The following AKT3 variants were observed in gnomAD, a reference collection of about 807,000 sequenced individuals.
AKT3 encodes RAC-gamma serine/threonine-protein kinase.
In AKT3, 15 loss-of-function variants were observed where a neutral mutation model predicts 65.3. That is an observed-to-expected ratio of 0.23 (90% CI 0.15 to 0.35). The LOEUF is 0.35. Ranked by LOEUF, AKT3 falls within the 10% of genes least tolerant of loss-of-function variation. The probability of loss-of-function intolerance (pLI) is 1.00; values close to 1 mark genes in which losing one functional copy is unlikely to be tolerated. For missense variants in AKT3, 243 were observed against 576.5 expected, an observed-to-expected ratio of 0.42 and a Z score of 5.92; for synonymous variants, 206 against 183.8, an observed-to-expected ratio of 1.12 and a Z score of -0.98.
At chr1:243,629,655 G>A (rs554677272) in intron 6 of AKT3, among the ~76,000 whole-genome samples, 2 of 152,240 alleles carry the variant, frequency 1.3e-5, no homozygotes, top group African/African-American at 4.8e-5. Flanking sequence ...AGCCAGGCGT[G>A]GTGGTGGGCA....
intron 2 of AKT3, among the ~76,000 whole-genome samples, chr1:243,788,438 G>C (rs1691407580): frequency 6.6e-6 from 1 of 152,104 alleles, no homozygotes; most frequent in East Asian, 1.9e-4. Context: ...GTATTCGTGG[G>C]GGGGACTGAT....
chr1:243,827,692 C>T (rs994194520), intron 2 of AKT3, among the ~76,000 whole-genome samples: 2 of 152,064 alleles, frequency 1.3e-5, no homozygotes, highest in African/African-American at 2.4e-5. Flanking sequence ...AATGTATGTA[C>T]GTACTTGTCG....
At chr1:243,823,547 A>C (rs950058617) in intron 2 of AKT3, among the ~76,000 whole-genome samples, 1 of 152,214 alleles carries the variant, frequency 6.6e-6, no homozygotes, top group African/African-American at 2.4e-5. Context: ...AAAGCTTCTT[A>C]AGCTAATAAG....
chr1:243,711,749 G>A (rs994092936), intron 2 of AKT3, among the ~76,000 whole-genome samples: 2 of 152,110 alleles, frequency 1.3e-5, no homozygotes, highest in African/African-American at 4.8e-5. Flanking sequence ...TCTTTCAAAA[G>A]ATGAAGAAAT....
intron 2 of AKT3, among the ~76,000 whole-genome samples, chr1:243,778,881 T>G (rs1439705521): frequency 6.6e-6 from 1 of 151,964 alleles, no homozygotes; most frequent in African/African-American, 2.4e-5. Context: ...AAATTGAGGT[T>G]TTTCCATGAT....
upstream of AKT3, among the ~76,000 whole-genome samples, chr1:243,850,323 A>T: frequency 1.7e-5 from 1 of 59,896 alleles, no homozygotes; most frequent in African/African-American, 5.0e-5. Context: ...CGGCGGCGGG[A>T]GGGGGAGGGA....
At chr1:243,545,361 G>A in intron 12 of AKT3, 149 bp downstream of exon 12, 1 of 460,044 alleles carries the variant, frequency 2.2e-6, no homozygotes, top group East Asian at 3.3e-5. Flanking sequence ...AAAATTTTGT[G>A]CACAGAAGTT....
At chr1:243,621,291 G>A (rs1678728959) in intron 6 of AKT3, among the ~76,000 whole-genome samples, 1 of 152,166 alleles carries the variant, frequency 6.6e-6, no homozygotes, top group African/African-American at 2.4e-5. Context: ...CTACTCAGAA[G>A]AGAAGCCATA....
intron 10 of AKT3, among the ~76,000 whole-genome samples, chr1:243,553,511 C>T (rs1673211453): frequency 6.6e-6 from 1 of 152,150 alleles, no homozygotes; most frequent in African/African-American, 2.4e-5. Context: ...TGTTTCAACT[C>T]TTTCTGGAAC....
At chr1:243,505,643 T>A (rs757737006) in intron 13 of AKT3, among the ~76,000 whole-genome samples, 1 of 152,224 alleles carries the variant, frequency 6.6e-6, no homozygotes, top group Non-Finnish European at 1.5e-5. Context: ...CAGTCTTCAG[T>A]AACCTTTCAT....
chr1:243,843,627 G>C (rs1176860045), intron 1 of AKT3: 1 of 897,794 alleles, frequency 1.1e-6, no homozygotes, highest in Non-Finnish European at 1.3e-6. Context: ...CTAAATCCCT[G>C]TAATTTCAGA....
chr1:243,574,701 C>A (rs1043613802), intron 8 of AKT3, among the ~76,000 whole-genome samples: 1 of 152,016 alleles, frequency 6.6e-6, no homozygotes, highest in African/African-American at 2.4e-5. Context: ...ACCAGCCTAA[C>A]AAGGATAGAA....
intron 8 of AKT3, among the ~76,000 whole-genome samples, chr1:243,586,833 C>G (rs991244830): frequency 2.0e-5 from 3 of 151,156 alleles, no homozygotes; most frequent in Non-Finnish European, 4.4e-5. Context: ...TGGCCATATA[C>G]CCAGGTAACA....
chr1:243,787,367 C>T (rs1336457526), intron 2 of AKT3, among the ~76,000 whole-genome samples: 1 of 152,116 alleles, frequency 6.6e-6, no homozygotes. Flanking sequence ...CTAGTCCCAG[C>T]TCCCTCTCCA....
At chr1:243,849,960 A>G in intron 1 of AKT3, 80 bp downstream of exon 1, 1 of 944,856 alleles carries the variant, frequency 1.1e-6, no homozygotes, top group Non-Finnish European at 1.3e-6. Context: ...GGAGGCAGGG[A>G]GGGCGGACCG....
chr1:243,688,866 G>A (rs549234305), intron 3 of AKT3, among the ~76,000 whole-genome samples: 1 of 151,786 alleles, frequency 6.6e-6, no homozygotes, highest in African/African-American at 2.4e-5. Flanking sequence ...ATCCATCTAG[G>A]ATATTGCCTA....
intron 1 of AKT3, among the ~76,000 whole-genome samples, chr1:243,845,787 CCA>C (rs1380441263): frequency 1.3e-5 from 2 of 151,774 alleles, no homozygotes; most frequent in Non-Finnish European, 2.9e-5. Flanking sequence ...GAATTTACCC[CCA>C]GATTAAACTG....
chr1:243,736,241 G>A (rs542394718), intron 2 of AKT3, among the ~76,000 whole-genome samples: 4 of 152,288 alleles, frequency 2.6e-5, no homozygotes, highest in Admixed American at 2.0e-4. Flanking sequence ...ACCACAGAAA[G>A]TTGTTCTAAA....
chr1:243,767,045 C>T (rs1262538013), intron 2 of AKT3, among the ~76,000 whole-genome samples: 1 of 151,858 alleles, frequency 6.6e-6, no homozygotes, highest in Non-Finnish European at 1.5e-5. Flanking sequence ...TTAATAAGTA[C>T]CTGGAATTCA....
Sources: gnomAD v4.1 joint callset for allele counts (sites outside exome capture counted in the v4.1 genomes callset) on GRCh38, gnomAD v4.1.1 for gene constraint, MANE v1.5 for transcripts, NCBI Gene and HGNC (gene_info 2026-07-23, HGNC 2026-07-21) for gene names.